The following ASXL3 variants were observed in gnomAD, a reference collection of about 807,000 sequenced individuals.
The protein encoded by ASXL3 is putative Polycomb group protein ASXL3.
In ASXL3, 34 loss-of-function variants were observed where a neutral mutation model predicts 170.6. The ratio of observed to expected loss-of-function variants is 0.20; its 90% CI spans 0.15 to 0.27. The LOEUF is 0.27. Ranked by LOEUF, ASXL3 falls within the 10% of genes least tolerant of loss-of-function variation. ASXL3 has a pLI of 1.00. For missense variants in ASXL3, 2,592 were observed against 2,695.3 expected, an observed-to-expected ratio of 0.96 and a Z score of 0.85; for synonymous variants, 1,002 against 989.1, an observed-to-expected ratio of 1.01 and a Z score of -0.24.
At chr18:33,702,205 G>A (rs562114341) in intron 8 of ASXL3, among the ~76,000 whole-genome samples, 6 of 152,194 alleles carry the variant, frequency 3.9e-5, no homozygotes, top group Admixed American at 3.9e-4. Context: ...CCAACATCAA[G>A]CATTTCATAG....
At chr18:33,622,549 A>G (rs1330153332) in intron 2 of ASXL3, among the ~76,000 whole-genome samples, 1 of 152,162 alleles carries the variant, frequency 6.6e-6, no homozygotes, top group Non-Finnish European at 1.5e-5. Context: ...GACATAATCA[A>G]ATAGAAGTTC....
chr18:33,612,063 G>A (rs2065343341), intron 2 of ASXL3, among the ~76,000 whole-genome samples: 1 of 151,972 alleles, frequency 6.6e-6, no homozygotes, highest in Non-Finnish European at 1.5e-5. Context: ...TTTTTTATGT[G>A]CTGGGCATTA....
At chr18:33,591,681 G>A (rs867951909) in intron 1 of ASXL3, among the ~76,000 whole-genome samples, 1 of 145,382 alleles carries the variant, frequency 6.9e-6, no homozygotes, top group Non-Finnish European at 1.5e-5. Context: ...TTTCTCTGTC[G>A]CCCAGGCTGG....
chr18:33,637,269 A>G (rs1306010098), intron 2 of ASXL3, among the ~76,000 whole-genome samples: 1 of 152,172 alleles, frequency 6.6e-6, no homozygotes, highest in Admixed American at 6.6e-5. Flanking sequence ...GCATGCCATG[A>G]TAGGCGTTGT....
At chr18:33,594,428 C>G (rs370407314) in intron 1 of ASXL3, among the ~76,000 whole-genome samples, 281 of 152,246 alleles carry the variant, frequency 1.8e-3, no homozygotes, top group African/African-American at 6.6e-3. Flanking sequence ...AAAATCAGGA[C>G]TAAGGAAGGC....
rs185528082 is a variant in ASXL3, at chr18:33,616,366, C to A, written c.137+8690C>A. Among the ~76,000 whole-genome samples the A allele has an allele frequency of 3.6e-3, 538 of 151,420 alleles. 11 individuals carry two copies. Among genetic ancestry groups the A allele is most frequent in the Admixed American group, 0.034 (508 of 15,146 alleles). On this transcript the variant is annotated intron_variant, in intron 2 of 11. Coordinates refer to ENST00000269197, the MANE Select transcript of ASXL3 (RefSeq NM_030632.3). ...ATGATATGAAAAGTAGAAGTCGAGCCCCACAAGAAATTCAAGGACTGTTGT... is the reference window on the plus strand; with the variant it reads ...ATGATATGAAAAGTAGAAGTCGAGCACCACAAGAAATTCAAGGACTGTTGT...
chr18:33,603,573 G>A (rs1189169874), intron 1 of ASXL3, among the ~76,000 whole-genome samples: 2 of 152,024 alleles, frequency 1.3e-5, no homozygotes, highest in African/African-American at 2.4e-5. Context: ...GTAATGGTAT[G>A]TTTGCTAGCT....
At chr18:33,693,854 T>G (rs2066728375) in intron 8 of ASXL3, among the ~76,000 whole-genome samples, 1 of 152,176 alleles carries the variant, frequency 6.6e-6, no homozygotes, top group Non-Finnish European at 1.5e-5. Flanking sequence ...AGGTTCTTGT[T>G]GACTGATTAG....
At chr18:33,725,087 G>T (rs1479457043) in intron 8 of ASXL3, among the ~76,000 whole-genome samples, 2 of 152,002 alleles carry the variant, frequency 1.3e-5, no homozygotes, top group African/African-American at 2.4e-5. Flanking sequence ...GCTTTTATTC[G>T]TACTGGGATG....
chr18:33,672,785 T>A (rs892207240), intron 7 of ASXL3, among the ~76,000 whole-genome samples: 5 of 151,414 alleles, frequency 3.3e-5, no homozygotes, highest in African/African-American at 7.3e-5. Flanking sequence ...TTTTATCTGA[T>A]TTTTTTTTAG....
In ASXL3 at chr18:33,739,304, T is replaced by C. The variant is rs1450596597; in HGVS notation, c.1900T>C (p.Ser634Pro). The C allele has an allele frequency of 6.2e-7, 1 of 1,613,470 alleles. No individual in the cohort carries two copies. Among genetic ancestry groups the C allele is most frequent in the South Asian group, 1.1e-5 (1 of 90,986 alleles). The stretch of plus-strand genomic sequence containing the variant: ...GCCTTCTCCAGGAGGGGAAACACAG[T>C]CCACATCAGAAGAATCATGTACTCC... ...SLPSPGGETQSTSEESCTPAS... is the reference protein window; with the variant it reads ...SLPSPGGETQPTSEESCTPAS... The change falls in exon 11 of 12, where the codon TCC (serine) becomes CCC (proline). Residue 634 changes from serine to proline, a missense_variant. By Grantham distance (74) the Ser-to-Pro change is moderately conservative. Coordinates refer to ENST00000269197, the MANE Select transcript of ASXL3 (RefSeq NM_030632.3).
intron 8 of ASXL3, 39 bp from the exon 9 acceptor site, chr18:33,731,929 T>C (rs1859661701): frequency 6.4e-7 from 1 of 1,567,768 alleles, no homozygotes; most frequent in Non-Finnish European, 8.7e-7. Context: ...TTTGACTTAT[T>C]CCTGATGGAA....
Position 33,607,662 on chromosome 18 carries a change from G to T in ASXL3, c.123G>T (p.Gly41=). ...KQILEVIQKE[G]LKETSGTSPL... The stretch of plus-strand genomic sequence containing the variant: ...TATTGGAAGTCATTCAGAAAGAAGG[G>T]TTAAAAGAAACAAGGTCAGTATCCA... The change falls in exon 2 of 12, where the codon GGG becomes GGT. Residue 41 remains glycine, a synonymous_variant. Transcript: ENST00000269197. 6.3e-7 allele frequency: 1 copy of T among 1,581,126 alleles called. No homozygotes were observed.
At position 33,670,164 on chromosome 18, in the gene ASXL3, T is replaced by G. The variant is rs534381928; in HGVS notation, c.478-509T>G. On this transcript the variant is annotated intron_variant, in intron 5 of 11. Transcript: ENST00000269197. The stretch of plus-strand genomic sequence containing the variant: ...AATGATTCCTGCCATGTTGAGTGAT[T>G]TTGTGCAGTGCTCCCCATGGCTGAG... Among the ~76,000 whole-genome samples the G allele has an allele frequency of 2.0e-5, 3 of 152,320 alleles. No individual in the cohort carries two copies. In the East Asian group the frequency reaches 5.8e-4, roughly 29 times the overall value.
chr18:33,683,311 G>A, intron 7 of ASXL3, 94 bp from the exon 8 acceptor site: 1 of 1,090,632 alleles, frequency 9.2e-7, no homozygotes, highest in Non-Finnish European at 1.3e-6. Flanking sequence ...GAATATACAT[G>A]TTCACTAGAT....
chr18:33,638,167 G>GTA (rs1043656839), intron 2 of ASXL3, among the ~76,000 whole-genome samples: 4 of 149,576 alleles, frequency 2.7e-5, no homozygotes, highest in East Asian at 2.0e-4. Flanking sequence ...CATAGTGTGT[G>GTA]TATATATATA....
chr18:33,637,092 CTG>C (rs1205809399), intron 2 of ASXL3, among the ~76,000 whole-genome samples: 1 of 152,122 alleles, frequency 6.6e-6, no homozygotes, highest in Non-Finnish European at 1.5e-5. Context: ...AATCATCACA[CTG>C]TATTTTTCAC....
intron 7 of ASXL3, among the ~76,000 whole-genome samples, chr18:33,679,660 G>A (rs2066483215): frequency 6.6e-6 from 1 of 152,052 alleles, no homozygotes; most frequent in Admixed American, 6.5e-5. Flanking sequence ...TTGTGTGTAT[G>A]TGGGAAAGAG....
At chr18:33,711,230 C>T (rs1165414562) in intron 8 of ASXL3, among the ~76,000 whole-genome samples, 1 of 152,206 alleles carries the variant, frequency 6.6e-6, no homozygotes, top group East Asian at 1.9e-4. Context: ...TTTGGGGAAA[C>T]AGACAATTTT....
Sources: gnomAD v4.1 joint callset for allele counts (sites outside exome capture counted in the v4.1 genomes callset) on GRCh38, gnomAD v4.1.1 for gene constraint, MANE v1.5 for transcripts, NCBI Gene and HGNC (gene_info 2026-07-23, HGNC 2026-07-21) for gene names.